KLC1: variants seen among roughly 807,000 people sequenced by gnomAD.
The protein encoded by KLC1 is kinesin 2 60/70kDa.
In KLC1, 30 loss-of-function variants were observed where a neutral mutation model predicts 84.2. The ratio of observed to expected loss-of-function variants is 0.36; its 90% CI spans 0.27 to 0.48. The LOEUF (loss-of-function observed/expected upper bound fraction) is 0.48, where lower values mean the gene tolerates loss of function less well. KLC1 is among the 20% of genes least tolerant of loss of function. The probability of loss-of-function intolerance (pLI) is 0.99; values close to 1 mark genes in which losing one functional copy is unlikely to be tolerated. For missense variants in KLC1, 499 were observed against 805.4 expected (o/e 0.62, Z 4.60); for synonymous variants, 289 against 293.3 (o/e 0.99, Z 0.15).
At chr14:103,648,580 G>A (rs2078139718) in intron 1 of KLC1, among the ~76,000 whole-genome samples, 1 of 151,700 alleles carries the variant, frequency 6.6e-6, no homozygotes. Flanking sequence ...CCTAGGAGTT[G>A]AAGGCCAGCC....
At chr14:103,663,545 G>A (rs915222670) in intron 5 of KLC1, among the ~76,000 whole-genome samples, 3 of 152,196 alleles carry the variant, frequency 2.0e-5, no homozygotes, top group Admixed American at 2.0e-4. Context: ...GGCTTCTTTT[G>A]TCTAAATAGC....
At chr14:103,696,334 C>T (rs1430789353) in intron 15 of KLC1, 1 of 985,292 alleles carries the variant, frequency 1.0e-6, no homozygotes, top group African/African-American at 1.7e-5. Context: ...GGGGCACTCT[C>T]ATGGGCAGCA....
chr14:103,696,965 C>T, intron 15 of KLC1: 1 of 985,416 alleles, frequency 1.0e-6, no homozygotes, highest in Non-Finnish European at 1.2e-6. Context: ...TCGGCCCCTT[C>T]CCTCCAGGGG....
At chr14:103,680,516 A>G (rs554917960) in intron 13 of KLC1, among the ~76,000 whole-genome samples, 14 of 152,348 alleles carry the variant, frequency 9.2e-5, no homozygotes, top group Non-Finnish European at 1.8e-4. Context: ...GGTAGGAGCT[A>G]GCATTCTAAA....
At chr14:103,629,949 C>G (rs1270680763) in intron 1 of KLC1, among the ~76,000 whole-genome samples, 2 of 152,112 alleles carry the variant, frequency 1.3e-5, no homozygotes, top group Non-Finnish European at 1.5e-5. Context: ...GCCGGAGGCC[C>G]GGCGGGGCTG....
At chr14:103,679,635 T>G in intron 13 of KLC1, 90 bp downstream of exon 13, 1 of 897,880 alleles carries the variant, frequency 1.1e-6, no homozygotes, top group Non-Finnish European at 1.7e-6. Flanking sequence ...TGCTAGACCT[T>G]CTGCTTTTCT....
chr14:103,646,300 T>G lies in KLC1; in HGVS notation c.-1-8264T>G, dbSNP rs370163759. Among the ~76,000 whole-genome samples the G allele has an allele frequency of 9.3e-4, 141 of 152,242 alleles. 1 individual carries two copies. The highest frequency in any genetic ancestry group is 3.4e-3 in the Middle Eastern group (1 of 294). The stretch of plus-strand genomic sequence containing the variant: ...GAATTAAAAGGACAGTTTTAGTGTG[T>G]AATGAGAACTATTTTCTGAGACAGT... On this transcript the variant is annotated intron_variant, in intron 1 of 16. Coordinates refer to ENST00000334553, the MANE Select transcript of KLC1 (RefSeq NM_001394837.1).
At chr14:103,667,158 C>T (rs1353145706) in intron 5 of KLC1, among the ~76,000 whole-genome samples, 2 of 152,016 alleles carry the variant, frequency 1.3e-5, no homozygotes, top group East Asian at 1.9e-4. Flanking sequence ...GTTGGCCAGG[C>T]TGGAGTGCAA....
At chr14:103,680,251 C>G (rs2081242363) in intron 13 of KLC1, among the ~76,000 whole-genome samples, 1 of 148,140 alleles carries the variant, frequency 6.8e-6, no homozygotes, top group Non-Finnish European at 1.5e-5. Flanking sequence ...CATTTTTTCT[C>G]CAGTGAATTT....
chr14:103,640,996 C>G (rs1195142875), intron 1 of KLC1, among the ~76,000 whole-genome samples: 1 of 151,876 alleles, frequency 6.6e-6, no homozygotes, highest in Non-Finnish European at 1.5e-5. Context: ...GGCTCCATGG[C>G]TCACTGCAAC....
intron 1 of KLC1, among the ~76,000 whole-genome samples, chr14:103,636,159 C>T (rs1198145967): frequency 6.6e-6 from 1 of 152,118 alleles, no homozygotes; most frequent in Non-Finnish European, 1.5e-5. Context: ...CCTCCTCCCT[C>T]GCCCTCCCCC....
At chr14:103,667,614 G>A (rs759474695) in intron 5 of KLC1, among the ~76,000 whole-genome samples, 3 of 152,226 alleles carry the variant, frequency 2.0e-5, no homozygotes, top group Non-Finnish European at 4.4e-5. Flanking sequence ...AGGATTGCAG[G>A]TGTGAGCCAC....
chr14:103,631,551 C>T (rs1015409077), intron 1 of KLC1, among the ~76,000 whole-genome samples: 3 of 152,102 alleles, frequency 2.0e-5, no homozygotes, highest in Admixed American at 1.3e-4. Flanking sequence ...TGATTAGTAT[C>T]ACCTGAAAAC....
Position 103,662,720 on chromosome 14 carries a change from G to A in KLC1, c.590G>A (p.Ser197Asn), listed in dbSNP as rs1407375497. The A allele has an allele frequency of 1.2e-6, 2 of 1,601,650 alleles. No homozygotes were observed. Among genetic ancestry groups the A allele is most frequent in the Non-Finnish European group, 1.7e-6 (2 of 1,174,030 alleles). The change falls in exon 5 of 17, where the codon AGT (serine) becomes AAT (asparagine). Residue 197 changes from serine (S) to asparagine (N), a missense_variant. Coordinates refer to ENST00000334553, the MANE Select transcript of KLC1 (RefSeq NM_001394837.1). ...GGTGCAGTCCAGCAGCAGCACAGCA[G>A]TGCAGCCGCGGCTGCCCAGCAGGGC... ...PGQGIQQQHSSAAAAAQQGGY... is the reference protein window; with the variant it reads ...PGQGIQQQHSNAAAAAQQGGY...
chr14:103,667,399 G>A (rs184194635), intron 5 of KLC1, among the ~76,000 whole-genome samples: 2 of 150,830 alleles, frequency 1.3e-5, no homozygotes, highest in African/African-American at 4.9e-5. Flanking sequence ...GAGCCACCGT[G>A]CCCAGCCTTG....
At position 103,654,720 on chromosome 14, in the gene KLC1, A is replaced by G; in HGVS notation, c.156A>G (p.Thr52=). The change falls in exon 2 of 17, where the codon ACA becomes ACG. Residue 52 remains threonine (T), a synonymous_variant. Coordinates refer to ENST00000334553, the MANE Select transcript of KLC1 (RefSeq NM_001394837.1). ...HNSILQSLLE[T]LKCLKKDDES... ...CCATTTTACAAAGTTTGCTGGAGACACTGAAGTGTTTGAAGAAAGATGATG... is the reference window on the plus strand; with the variant it reads ...CCATTTTACAAAGTTTGCTGGAGACGCTGAAGTGTTTGAAGAAAGATGATG... 1 of 1,614,202 alleles carries G rather than the reference A, an allele frequency of 6.2e-7. No individual in the cohort carries two copies. Among genetic ancestry groups the G allele is most frequent in the South Asian group, 1.1e-5 (1 of 91,086 alleles).
At chr14:103,695,169 T>C (rs1189396602) in intron 15 of KLC1, 15 of 905,734 alleles carry the variant, frequency 1.7e-5, no homozygotes, top group Admixed American at 6.2e-5. Context: ...TATATATATA[T>C]ATATGGCTGG....
At chr14:103,660,492 A>AG (rs1306256082) in intron 3 of KLC1, among the ~76,000 whole-genome samples, 1 of 148,380 alleles carries the variant, frequency 6.7e-6, no homozygotes, top group African/African-American at 2.5e-5. Context: ...AAAAAGAAAA[A>AG]AAAAAAAAAA....
chr14:103,648,818 C>G (rs571847443), intron 1 of KLC1, among the ~76,000 whole-genome samples: 1 of 151,788 alleles, frequency 6.6e-6, no homozygotes, highest in Admixed American at 6.6e-5. Context: ...AAAGGAGAAT[C>G]ATGTATGTTA....
Sources: allele counts gnomAD v4.1 joint callset (sites outside exome capture counted in the v4.1 genomes callset), GRCh38; gene constraint gnomAD v4.1.1; transcripts MANE v1.5; gene names NCBI Gene and HGNC (gene_info 2026-07-23, HGNC 2026-07-21).